BRD4: variants seen among roughly 807,000 people sequenced by gnomAD.
BRD4 encodes bromodomain containing 4.
In BRD4, 16 loss-of-function variants were observed where a neutral mutation model predicts 142.1. The ratio of observed to expected loss-of-function variants is 0.11; its 90% confidence interval spans 0.08 to 0.17. BRD4 has a LOEUF of 0.17. Among genes scored for constraint, BRD4 ranks in the 10% least tolerant of loss-of-function variants. BRD4 has a pLI of 1.00. For missense variants in BRD4, 1,424 were observed against 1,810.9 expected (o/e 0.79, Z 3.88); for synonymous variants, 833 against 707.5 (o/e 1.18, Z -2.82).
chr19:15,326,612 A>C (rs1390413847), intron 1 of BRD4, among the ~76,000 whole-genome samples: 1 of 152,262 alleles, frequency 6.6e-6, no homozygotes, highest in Non-Finnish European at 1.5e-5. Context: ...CCATCATTTT[A>C]ACATTCTACT....
At chr19:15,322,867 CAAAAAAA>C (rs71333367) in intron 1 of BRD4, among the ~76,000 whole-genome samples, 5 of 65,504 alleles carry the variant, frequency 7.6e-5, no homozygotes, top group South Asian at 1.1e-3. Context: ...ACTCTGTCTC[CAAAAAAA>C]AAAAAAAAAA....
chr19:15,265,592 G>C lies in BRD4; in HGVS notation c.611C>G (p.Thr204Ser), dbSNP rs1599465832. ...CTGAGGGGTCTGGGTCTGCGGAGGA[G>C]TCGATGCTTGAGTTGTGTTTGGTAC... ...STVPNTTQAS[T>S]PPQTQTPQPN... is the part of the protein sequence containing the mutation. The change falls in exon 5 of 20, where the codon ACT (threonine) becomes AGT (serine). Residue 204 changes from threonine to serine, a missense_variant. Around this residue, in one of 16 missense-constraint regions of BRD4, gnomAD observed 140 missense variants for 131.7 expected, o/e 1.06. Coordinates refer to ENST00000679869, the MANE Select transcript of BRD4 (RefSeq NM_001379291.1). The C allele has an allele frequency of 6.2e-7, 1 of 1,614,130 alleles. No homozygotes were observed. The highest frequency in any genetic ancestry group is 8.5e-7 in the Non-Finnish European group (1 of 1,180,036).
At chr19:15,252,207 G>A (rs148006293) in intron 11 of BRD4, among the ~76,000 whole-genome samples, 75 of 152,304 alleles carry the variant, frequency 4.9e-4, no homozygotes, top group African/African-American at 1.8e-3. Context: ...AAGGGCAAAG[G>A]CCATGATCAC....
chr19:15,310,639 G>T (rs958761555), intron 1 of BRD4, among the ~76,000 whole-genome samples: 2 of 151,444 alleles, frequency 1.3e-5, no homozygotes, highest in African/African-American at 4.9e-5. Flanking sequence ...GATTACAGGC[G>T]TGAGCCACCG....
chr19:15,273,585 C>T (rs748100532), intron 1 of BRD4, among the ~76,000 whole-genome samples: 4 of 152,182 alleles, frequency 2.6e-5, no homozygotes, highest in Admixed American at 6.5e-5. Flanking sequence ...CACAAAGCAT[C>T]GAGCAAAGTC....
At chr19:15,256,017 C>A in intron 9 of BRD4, 47 bp downstream of exon 9, 1 of 1,603,788 alleles carries the variant, frequency 6.2e-7, no homozygotes, top group Non-Finnish European at 8.5e-7. Flanking sequence ...TCAGAGCAAG[C>A]CCTGGAAGGA....
chr19:15,265,652 C>A lies in BRD4; in HGVS notation c.560-9G>T. ...GCCAGGTTTTGCTGTCCCTACAAAT[C>A]ATAATAAGACGGCGAGTTAGAGACC... On this transcript the variant is annotated splice_polypyrimidine_tract_variant and intron_variant, in intron 4 of 19. Transcript: ENST00000679869. 8 of 1,614,076 alleles carry A rather than the reference C, an allele frequency of 5.0e-6. No homozygotes were observed. Among genetic ancestry groups the A allele is most frequent in the Non-Finnish European group, 6.8e-6 (8 of 1,180,000 alleles).
At chr19:15,256,749 C>A (rs1406690982) in intron 8 of BRD4, among the ~76,000 whole-genome samples, 2 of 152,154 alleles carry the variant, frequency 1.3e-5, no homozygotes, top group African/African-American at 4.8e-5. Flanking sequence ...CCATGTCCCT[C>A]CCCATCCCCA....
Position 15,243,088 on chromosome 19 carries a change from G to C in BRD4, c.2981C>G (p.Pro994Arg). 1 of 1,504,040 alleles carries C rather than the reference G, an allele frequency of 6.6e-7. No individual in the cohort carries two copies. The allele number at this position is 1,504,040 out of a possible 1,614,324, so 93.2% of individuals were successfully genotyped here. The part of the protein sequence containing the change: ...PPPQQQHQPP[P>R]RPVHLQPMQF... ...CATGGGCTGCAAGTGCACGGGCCGT[G>C]GAGGGGGCTGATGCTGCTGCTGGGG... Residue 994 changes from proline (P) to arginine (R), a missense_variant, in exon 14 of 20, where the codon CCA becomes CGA. Around this residue, in one of 16 missense-constraint regions of BRD4, gnomAD observed 598 missense variants for 647.8 expected, o/e 0.92. Transcript: ENST00000679869.
chr19:15,331,489 A>G (rs1329840795), intron 1 of BRD4, among the ~76,000 whole-genome samples: 1 of 152,234 alleles, frequency 6.6e-6, no homozygotes, highest in Non-Finnish European at 1.5e-5. Context: ...CGAGCAAAAC[A>G]AAGCGCCCAG....
chr19:15,283,382 A>C (rs2047718991), intron 1 of BRD4, among the ~76,000 whole-genome samples: 1 of 152,238 alleles, frequency 6.6e-6, no homozygotes, highest in Non-Finnish European at 1.5e-5. Context: ...TTCCCATTGC[A>C]AACAAAAGCA....
At chr19:15,258,614 C>T (rs1390343974) in intron 7 of BRD4, among the ~76,000 whole-genome samples, 5 of 152,094 alleles carry the variant, frequency 3.3e-5, no homozygotes, top group Non-Finnish European at 2.9e-5. Context: ...TCTTCTTCTT[C>T]TTCTTTTTGG....
In BRD4 at chr19:15,255,592, G is replaced by A. The variant is rs759383572; in HGVS notation, c.1752C>T (p.Ser584=). 16 of 1,600,864 alleles carry A rather than the reference G, an allele frequency of 1.0e-5. No homozygotes were observed. Among genetic ancestry groups the A allele is most frequent in the Middle Eastern group, 1.7e-4 (1 of 6,006 alleles). Reference sequence around the variant, plus strand: ...TCTTCATGGGCGCTGGCTCCTTCTTGCTACGAAGGGACGATGCAGACACCA... The same window carrying A: ...TCTTCATGGGCGCTGGCTCCTTCTTACTACGAAGGGACGATGCAGACACCA... The part of the protein sequence containing the change: ...KKNNSSNSNV[S]KKEPAPMKSK... Residue 584 remains serine, a splice_region_variant and synonymous_variant, in exon 10 of 20, where the codon AGC becomes AGT. Coordinates refer to ENST00000679869, the MANE Select transcript of BRD4 (RefSeq NM_001379291.1).
At chr19:15,330,408 G>A (rs2048146917) in intron 1 of BRD4, among the ~76,000 whole-genome samples, 1 of 152,166 alleles carries the variant, frequency 6.6e-6, no homozygotes. Flanking sequence ...CAACGCATCA[G>A]TGATAAGATA....
At chr19:15,265,670 TAG>T in intron 4 of BRD4, 27 bp from the exon 5 acceptor site, 1 of 1,613,354 alleles carries the variant, frequency 6.2e-7, no homozygotes, top group Non-Finnish European at 8.5e-7. Flanking sequence ...GACGGCGAGT[TAG>T]AGACCATGCT....
At position 15,239,905 on chromosome 19, in the gene BRD4, G is replaced by T. The variant is rs754585456; in HGVS notation, c.3282+5C>A. The T allele has an allele frequency of 6.2e-7, 1 of 1,614,136 alleles. No individual in the cohort carries two copies. Among genetic ancestry groups the T allele is most frequent in the Non-Finnish European group, 8.5e-7 (1 of 1,180,030 alleles). ...ACAGGACTATGGCCCAGCCCTGCCAGTTACCTGTTTCTTAGGCTGGACGTT... is the reference window on the plus strand; with the variant it reads ...ACAGGACTATGGCCCAGCCCTGCCATTTACCTGTTTCTTAGGCTGGACGTT... On this transcript the variant is annotated splice_donor_5th_base_variant and intron_variant, in intron 15 of 19. Coordinates refer to ENST00000679869, the MANE Select transcript of BRD4 (RefSeq NM_001379291.1). The surrounding 1 kb of genome is among the most constrained non-coding windows in gnomAD (Gnocchi z 7.4).
Position 15,325,858 on chromosome 19 carries a change from C to T in BRD4, c.-35+6432G>A, listed in dbSNP as rs553924835. ...TACTAGAAATACAAAATTAGCTGGG[C>T]GTGGTGGTGCATGCCTGTAATCCTA... is the stretch of plus-strand genomic sequence containing the variant. On this transcript the variant is annotated intron_variant, in intron 1 of 19. Coordinates refer to ENST00000679869, the MANE Select transcript of BRD4 (RefSeq NM_001379291.1). Among the ~76,000 whole-genome samples, 10 of 151,646 alleles carry T rather than the reference C, an allele frequency of 6.6e-5. No homozygotes were observed. The South Asian group carries it at 1.3e-3, about 19-fold the overall frequency.
At chr19:15,312,276 T>C (rs143631845) in intron 1 of BRD4, among the ~76,000 whole-genome samples, 29 of 152,152 alleles carry the variant, frequency 1.9e-4, no homozygotes, top group African/African-American at 6.5e-4. Flanking sequence ...GACAGGCACA[T>C]TGCTTGAACT....
At position 15,244,417 on chromosome 19, in the gene BRD4, G is replaced by A. The variant is rs1207452510; in HGVS notation, c.2395C>T (p.Pro799Ser). Residue 799 changes from proline to serine, a missense_variant, in exon 13 of 20, where the codon CCC (proline) becomes TCC (serine). By Grantham distance (74) the Pro-to-Ser change is moderately conservative. Coordinates refer to ENST00000679869, the MANE Select transcript of BRD4 (RefSeq NM_001379291.1). ...AAPAMKSSPP[P>S]FIATQVPVLE... ...ACGGGCACCTGGGTGGCAATGAAGG[G>A]TGGGGGCGAGGACTTCATCGCCGGG... 6.3e-7 allele frequency: 1 copy of A among 1,595,062 alleles called. No individual in the cohort carries two copies. The highest frequency in any genetic ancestry group is 1.7e-5 in the Admixed American group (1 of 58,472).
Sources: gnomAD v4.1 joint callset for allele counts (sites outside exome capture counted in the v4.1 genomes callset) on GRCh38, gnomAD v4.1.1 for gene constraint, gnomAD v4.1.1 regional missense constraint, Gnocchi (gnomAD v3.1) non-coding constraint, MANE v1.5 for transcripts, NCBI Gene and HGNC (gene_info 2026-07-23, HGNC 2026-07-21) for gene names.